CTNNA3: variants seen among roughly 807,000 people sequenced by gnomAD.
CTNNA3 encodes catenin alpha-3.
CTNNA3 carries 76 observed loss-of-function variants against 95.7 expected under a neutral mutation model. That is an observed-to-expected ratio of 0.79 (90% CI 0.66 to 0.96). The LOEUF is 0.96. CTNNA3 is among the 40% of genes least tolerant of loss of function. The probability of loss-of-function intolerance (pLI) is 0.00; values close to 1 mark genes in which losing one functional copy is unlikely to be tolerated. For synonymous variants in CTNNA3, 431 were observed against 374.4 expected (o/e 1.15, Z -1.74); for missense variants, 1,191 against 1,089.8 (o/e 1.09, Z -1.31).
intron 12 of CTNNA3, among the ~76,000 whole-genome samples, chr10:66,337,093 C>G (rs2092405508): frequency 6.6e-6 from 1 of 151,956 alleles, no homozygotes; most frequent in Admixed American, 6.5e-5. Flanking sequence ...TGTTTCTAAA[C>G]ATATATTTAT....
intron 7 of CTNNA3, among the ~76,000 whole-genome samples, chr10:66,968,828 C>T (rs958411265): frequency 1.2e-4 from 18 of 152,088 alleles, no homozygotes; most frequent in Middle Eastern, 3.4e-3. Flanking sequence ...ACGAGCCTGG[C>T]CAACATGGTG....
intron 7 of CTNNA3, among the ~76,000 whole-genome samples, chr10:66,776,810 A>G (rs924869508): frequency 6.6e-6 from 1 of 152,176 alleles, no homozygotes; most frequent in African/African-American, 2.4e-5. Flanking sequence ...GTTTTTCAAT[A>G]TAATCATTTT....
intron 5 of CTNNA3, among the ~76,000 whole-genome samples, chr10:67,389,554 C>A (rs1440169217): frequency 2.0e-5 from 3 of 151,518 alleles, no homozygotes; most frequent in Admixed American, 6.6e-5. Flanking sequence ...CTGCACCAAG[C>A]GGACCTAATA....
intron 10 of CTNNA3, among the ~76,000 whole-genome samples, chr10:66,540,117 T>C (rs932151994): frequency 1.3e-5 from 2 of 152,038 alleles, no homozygotes; most frequent in African/African-American, 4.8e-5. Context: ...GTTATAAACA[T>C]TGGGAATATA....
intron 13 of CTNNA3, among the ~76,000 whole-genome samples, chr10:66,211,016 C>A (rs2088119196): frequency 6.6e-6 from 1 of 152,132 alleles, no homozygotes; most frequent in Admixed American, 6.6e-5. Context: ...AGTGGTAATT[C>A]TCAGGGAAGC....
In CTNNA3 at chr10:66,927,236, G is replaced by A; in HGVS notation, c.1048-151712C>T. On this transcript the variant is annotated intron_variant, in intron 7 of 17. Transcript: ENST00000433211. The surrounding 1 kb of genome is among the most constrained non-coding windows in gnomAD (Gnocchi z 4.7). ...AATATTGACGAAAATGCTTTTAATG[G>A]AATACGCAGACTCAAAGAGCTGATT... The A allele has an allele frequency of 6.2e-7, 1 of 1,614,032 alleles. No individual in the cohort carries two copies. Among genetic ancestry groups the A allele is most frequent in the Non-Finnish European group, 8.5e-7 (1 of 1,180,038 alleles).
At chr10:66,940,154 G>C (rs1297186850) in intron 7 of CTNNA3, among the ~76,000 whole-genome samples, 1 of 152,128 alleles carries the variant, frequency 6.6e-6, no homozygotes, top group Non-Finnish European at 1.5e-5. Context: ...AGTTTGAAAA[G>C]ATGGAAAACG....
At chr10:67,650,160 T>C (rs1839836572) in intron 1 of CTNNA3, among the ~76,000 whole-genome samples, 1 of 152,166 alleles carries the variant, frequency 6.6e-6, no homozygotes. Context: ...TTGTAATCTA[T>C]AAAATCTTAG....
chr10:67,176,833 A>AG, intron 7 of CTNNA3: 2 of 430,318 alleles, frequency 4.6e-6, no homozygotes, highest in South Asian at 3.4e-5. Flanking sequence ...ATGGAGGCAG[A>AG]GGGCCATGAG....
At chr10:66,916,415 C>G (rs533769641) in intron 7 of CTNNA3, among the ~76,000 whole-genome samples, 1 of 152,040 alleles carries the variant, frequency 6.6e-6, no homozygotes, top group Non-Finnish European at 1.5e-5. Flanking sequence ...ATGATTGCAC[C>G]TAAAAAGAGT....
intron 9 of CTNNA3, among the ~76,000 whole-genome samples, chr10:66,671,798 CTA>C (rs1846670385): frequency 6.6e-6 from 1 of 152,156 alleles, no homozygotes; most frequent in Non-Finnish European, 1.5e-5. Context: ...TTCAGCCTCT[CTA>C]TGCCTCAGCT....
chr10:67,168,194 T>C (rs1369594969), intron 7 of CTNNA3, among the ~76,000 whole-genome samples: 3 of 152,168 alleles, frequency 2.0e-5, no homozygotes, highest in African/African-American at 7.2e-5. Flanking sequence ...ATTCTATTAA[T>C]ACCAGATGTA....
At chr10:67,271,775 A>G (rs751287112) in intron 5 of CTNNA3, among the ~76,000 whole-genome samples, 56 of 152,184 alleles carry the variant, frequency 3.7e-4, no homozygotes, top group Non-Finnish European at 5.4e-4. Flanking sequence ...TCCAAGCCCT[A>G]AAGTGTCCAT....
At chr10:66,575,335 T>C (rs892769167) in intron 10 of CTNNA3, among the ~76,000 whole-genome samples, 1 of 152,132 alleles carries the variant, frequency 6.6e-6, no homozygotes, top group African/African-American at 2.4e-5. Flanking sequence ...AGGGCAGGAA[T>C]TGCTCCCATG....
chr10:67,057,555 T>C (rs1338628947), intron 7 of CTNNA3, among the ~76,000 whole-genome samples: 1 of 152,162 alleles, frequency 6.6e-6, no homozygotes, highest in Non-Finnish European at 1.5e-5. Flanking sequence ...CTTAGTATAA[T>C]GTCTTCTAGG....
chr10:66,957,786 T>C lies in CTNNA3; in HGVS notation c.1048-182262A>G, dbSNP rs940620330. Among the ~76,000 whole-genome samples, 3 of 152,168 alleles carry C rather than the reference T, an allele frequency of 2.0e-5. No homozygotes were observed. The East Asian group carries it at 5.8e-4, about 30-fold the overall frequency. ...CAAGGGGAAAATTTGCTAGAACTGC[T>C]GAAAAGTGTGCTTACAGGAGATGGT... On this transcript the variant is annotated intron_variant, in intron 7 of 17. Transcript: ENST00000433211.
intron 17 of CTNNA3, among the ~76,000 whole-genome samples, chr10:65,924,725 T>C (rs2077140256): frequency 6.6e-6 from 1 of 152,330 alleles, no homozygotes; most frequent in African/African-American, 2.4e-5. Context: ...GTTCTCACGC[T>C]GCTAATAAAG....
intron 7 of CTNNA3, among the ~76,000 whole-genome samples, chr10:66,980,670 C>G (rs1047605211): frequency 3.5e-4 from 53 of 152,178 alleles, no homozygotes; most frequent in African/African-American, 1.2e-3. Flanking sequence ...AAAATTTTGT[C>G]ACTTCAGTTT....
At chr10:66,764,892 G>T (rs1839778214) in intron 9 of CTNNA3, among the ~76,000 whole-genome samples, 1 of 152,180 alleles carries the variant, frequency 6.6e-6, no homozygotes, top group African/African-American at 2.4e-5. Context: ...TGACTATGAA[G>T]AGGCCCAAAG....
Sources: gnomAD v4.1 joint callset for allele counts (sites outside exome capture counted in the v4.1 genomes callset) on GRCh38, gnomAD v4.1.1 for gene constraint, Gnocchi (gnomAD v3.1) non-coding constraint, MANE v1.5 for transcripts, NCBI Gene and HGNC (gene_info 2026-07-23, HGNC 2026-07-21) for gene names.